Variants in TACR3 observed in about 807,000 individuals in gnomAD.
The protein encoded by TACR3 is tachykinin receptor 3.
In TACR3, 34 loss-of-function variants were observed where a neutral mutation model predicts 35.0. The observed-to-expected ratio is 0.97, with a 90% CI of 0.74 to 1.30. TACR3 has a LOEUF of 1.30. TACR3 is among the 50% of genes most tolerant of loss of function. The pLI is 0.00. For missense variants in TACR3, 558 were observed against 591.7 expected (o/e 0.94, Z 0.59); for synonymous variants, 233 against 221.1 (o/e 1.05, Z -0.48).
At chr4:103,683,470 CAAAAAA>C (rs57761679) in intron 1 of TACR3, among the ~76,000 whole-genome samples, 1 of 21,142 alleles carries the variant, frequency 4.7e-5, no homozygotes, top group Non-Finnish European at 8.9e-5. Context: ...AAAGACTGAC[CAAAAAA>C]AAAAAAAAAA....
intron 1 of TACR3, among the ~76,000 whole-genome samples, chr4:103,695,680 G>A (rs1325204846): frequency 6.6e-6 from 1 of 151,142 alleles, no homozygotes; most frequent in Non-Finnish European, 1.5e-5. Flanking sequence ...CATTGCTCAA[G>A]GGTCAACAGA....
At chr4:103,639,530 A>T (rs1266411077) in intron 3 of TACR3, among the ~76,000 whole-genome samples, 1 of 152,110 alleles carries the variant, frequency 6.6e-6, no homozygotes, top group African/African-American at 2.4e-5. Context: ...AACATGGCAC[A>T]TGTATACATA....
At chr4:103,695,587 T>G (rs1405175167) in intron 1 of TACR3, among the ~76,000 whole-genome samples, 1 of 152,114 alleles carries the variant, frequency 6.6e-6, no homozygotes, top group Non-Finnish European at 1.5e-5. Flanking sequence ...AGGCTTCCAG[T>G]GAAGTAAATA....
chr4:103,661,328 T>C (rs1422277740), intron 1 of TACR3, among the ~76,000 whole-genome samples: 1 of 152,174 alleles, frequency 6.6e-6, no homozygotes, highest in African/African-American at 2.4e-5. Flanking sequence ...CTGTTCCTGC[T>C]CATGTTGATT....
At position 103,618,564 on chromosome 4, in the gene TACR3, CTTTTTTTTTTTTTTTTTTT is replaced by C. The variant is rs57837921; in HGVS notation, c.889-26900_889-26882del. ...CTTAGGATTGCTTTGGTGACTTGGG[CTTTTTTTTTTTTTTTTTTT>C]TTTTTTTTGTTCCATATGAATTTTA... On this transcript the variant is annotated intron_variant, in intron 3 of 4. Transcript: ENST00000304883. Among the ~76,000 whole-genome samples, 73 of 61,450 alleles carry C rather than the reference CTTTTTTTTTTTTTTTTTTT, an allele frequency of 1.2e-3. 3 individuals carry two copies. Among genetic ancestry groups the C allele is most frequent in the African/African-American group, 5.3e-3 (58 of 11,006 alleles). The allele number at this position is 61,450 out of a possible 152,430, so 40.3% of individuals were successfully genotyped here. A position where few individuals can be genotyped will look rare whatever the true frequency, so the allele number is the denominator to read the frequency against.
intron 3 of TACR3, among the ~76,000 whole-genome samples, chr4:103,601,338 C>G (rs370696403): frequency 2.1e-5 from 3 of 142,480 alleles, no homozygotes; most frequent in African/African-American, 9.3e-5. Flanking sequence ...TGACGCTATC[C>G]AATTTGCCAG....
At chr4:103,607,321 C>T (rs544596810) in intron 3 of TACR3, among the ~76,000 whole-genome samples, 66 of 152,038 alleles carry the variant, frequency 4.3e-4, no homozygotes, top group Admixed American at 1.3e-4. Context: ...TTGAAGGTAT[C>T]TTTTGACTTT....
chr4:103,695,709 C>CTGTGTGTG (rs1337438362), intron 1 of TACR3, among the ~76,000 whole-genome samples: 16 of 139,296 alleles, frequency 1.1e-4, no homozygotes, highest in African/African-American at 5.1e-4. Flanking sequence ...ATGTCTCTCT[C>CTGTGTGTG]TCTGTGTGTG....
intron 1 of TACR3, among the ~76,000 whole-genome samples, chr4:103,687,902 A>G (rs1722286567): frequency 6.6e-6 from 1 of 152,158 alleles, no homozygotes; most frequent in Non-Finnish European, 1.5e-5. Context: ...AACTACTTTA[A>G]AGTTCATATG....
chr4:103,667,092 T>C (rs1385196224), intron 1 of TACR3, among the ~76,000 whole-genome samples: 1 of 152,048 alleles, frequency 6.6e-6, no homozygotes, highest in African/African-American at 2.4e-5. Flanking sequence ...ACCCCTTCTC[T>C]ACTAAAAATA....
intron 1 of TACR3, among the ~76,000 whole-genome samples, chr4:103,708,502 C>T (rs948837142): frequency 2.0e-5 from 3 of 152,198 alleles, no homozygotes; most frequent in African/African-American, 7.2e-5. Context: ...AAAACCCCAT[C>T]TGTATGTCAC....
chr4:103,708,596 C>CA (rs1262434382), intron 1 of TACR3, among the ~76,000 whole-genome samples: 3 of 152,188 alleles, frequency 2.0e-5, no homozygotes, highest in Non-Finnish European at 2.9e-5. Context: ...AAAATCGGAG[C>CA]ACCTCTCCCC....
At chr4:103,619,321 C>G (rs949675435) in intron 3 of TACR3, among the ~76,000 whole-genome samples, 1 of 152,142 alleles carries the variant, frequency 6.6e-6, no homozygotes, top group Non-Finnish European at 1.5e-5. Flanking sequence ...TCCTGAGTAG[C>G]TGGGATTGCA....
At chr4:103,687,178 CT>C (rs1722269559) in intron 1 of TACR3, among the ~76,000 whole-genome samples, 2 of 152,194 alleles carry the variant, frequency 1.3e-5, no homozygotes, top group African/African-American at 4.8e-5. Flanking sequence ...CAGAAAAGGC[CT>C]TTGACAAAAT....
In TACR3 at chr4:103,636,793, G is replaced by C. The variant is rs143164161; in HGVS notation, c.888+19401C>G. On this transcript the variant is annotated intron_variant, in intron 3 of 4. Coordinates refer to ENST00000304883, the MANE Select transcript of TACR3 (RefSeq NM_001059.3). ...CCCACAGAAATATAAACTACCATCA[G>C]AGAATACTATAAACACCTGTATGCA... Among the ~76,000 whole-genome samples, 1,363 of 152,230 alleles carry C rather than the reference G, an allele frequency of 9.0e-3. 17 individuals carry two copies. Among genetic ancestry groups the C allele is most frequent in the African/African-American group, 0.032 (1,311 of 41,546 alleles).
At chr4:103,715,433 T>C (rs974570268) in intron 1 of TACR3, among the ~76,000 whole-genome samples, 1 of 152,170 alleles carries the variant, frequency 6.6e-6, no homozygotes, top group Admixed American at 6.6e-5. Context: ...GTCATGATTG[T>C]AAGTTTCCTG....
intron 3 of TACR3, among the ~76,000 whole-genome samples, chr4:103,640,636 C>G (rs1725335733): frequency 6.6e-6 from 1 of 151,898 alleles, no homozygotes; most frequent in African/African-American, 2.4e-5. Flanking sequence ...TACTCTATTG[C>G]AAGCTTGTCC....
At chr4:103,711,727 T>C (rs143188031) in intron 1 of TACR3, among the ~76,000 whole-genome samples, 3,921 of 152,280 alleles carry the variant, frequency 0.026, 76 homozygotes, top group Middle Eastern at 0.044. Flanking sequence ...GATGACATGA[T>C]TGTATATCTA....
intron 3 of TACR3, among the ~76,000 whole-genome samples, chr4:103,652,043 C>T (rs1271505839): frequency 1.3e-5 from 2 of 152,080 alleles, no homozygotes; most frequent in Admixed American, 6.6e-5. Context: ...ATGAGCCCTG[C>T]TGCCTGGGAT....
Sources: allele counts gnomAD v4.1 joint callset (sites outside exome capture counted in the v4.1 genomes callset), GRCh38; gene constraint gnomAD v4.1.1; transcripts MANE v1.5; gene names NCBI Gene and HGNC (gene_info 2026-07-23, HGNC 2026-07-21).